IGSF21: variants seen among roughly 807,000 people sequenced by gnomAD.
IGSF21 encodes immunoglobulin superfamily member 21.
Under a neutral mutation model 46.8 loss-of-function variants are expected in IGSF21, and 28 were observed. The observed-to-expected ratio is 0.60, with a 90% CI of 0.44 to 0.82. The LOEUF (loss-of-function observed/expected upper bound fraction) is 0.82. IGSF21 is among the 40% of genes least tolerant of loss of function. IGSF21 has a pLI of 0.00. For missense variants in IGSF21, 624 were observed against 665.5 expected (o/e 0.94, Z 0.69); for synonymous variants, 284 against 273.6 (o/e 1.04, Z -0.38).
At chr1:18,371,107 G>A (rs2086219453) in intron 6 of IGSF21, among the ~76,000 whole-genome samples, 2 of 152,198 alleles carry the variant, frequency 1.3e-5, no homozygotes, top group African/African-American at 4.8e-5. Flanking sequence ...TATGTCCACA[G>A]CAGCTTTATT....
intron 1 of IGSF21, among the ~76,000 whole-genome samples, chr1:18,146,937 C>T (rs1361744454): frequency 6.6e-6 from 1 of 152,182 alleles, no homozygotes; most frequent in Non-Finnish European, 1.5e-5. Context: ...TTGTAGCAAA[C>T]ACCAAAAGTA....
At chr1:18,342,064 TTTTTG>T (rs767800334) in intron 4 of IGSF21, among the ~76,000 whole-genome samples, 60 of 125,064 alleles carry the variant, frequency 4.8e-4, no homozygotes, top group South Asian at 3.3e-3. Context: ...GTTTTTTTTT[TTTTTG>T]TTTGTTTGTT....
At chr1:18,153,622 T>C (rs896299400) in intron 1 of IGSF21, among the ~76,000 whole-genome samples, 1 of 152,092 alleles carries the variant, frequency 6.6e-6, no homozygotes, top group Non-Finnish European at 1.5e-5. Context: ...CTCACCATCC[T>C]ATGGACTTGG....
chr1:18,318,467 T>TGC (rs1410339956), intron 3 of IGSF21, among the ~76,000 whole-genome samples: 56 of 112,344 alleles, frequency 5.0e-4, no homozygotes, highest in Admixed American at 1.2e-3. Context: ...CGTGCGTGCG[T>TGC]GTGTGTGTGT....
At chr1:18,237,557 C>T (rs1168065898) in intron 2 of IGSF21, among the ~76,000 whole-genome samples, 2 of 152,220 alleles carry the variant, frequency 1.3e-5, no homozygotes, top group East Asian at 1.9e-4. Flanking sequence ...ACTTCATCTT[C>T]TCTTTTCCGC....
chr1:18,356,888 G>A lies in IGSF21; in HGVS notation c.425-5227G>A, dbSNP rs147222594. The stretch of plus-strand genomic sequence containing the variant: ...GGAGGAGATGGAGTTGAAGTTGGTC[G>A]TGAGATGGAGACAGAAATGAGGAGA... On this transcript the variant is annotated intron_variant, in intron 4 of 9. Coordinates refer to ENST00000251296, the MANE Select transcript of IGSF21 (RefSeq NM_032880.5). 1.3e-4 allele frequency among the ~76,000 whole-genome samples: 20 copies of A among 152,006 alleles called. No homozygotes were observed. The South Asian group carries it at 1.9e-3, about 14-fold the overall frequency.
At chr1:18,208,336 A>G (rs559596296) in intron 1 of IGSF21, among the ~76,000 whole-genome samples, 1 of 141,236 alleles carries the variant, frequency 7.1e-6, no homozygotes, top group East Asian at 2.1e-4. Flanking sequence ...TGCTGTCCAA[A>G]GGTTTCGGGT....
chr1:18,347,610 T>G (rs558016472), intron 4 of IGSF21, among the ~76,000 whole-genome samples: 15 of 152,316 alleles, frequency 9.8e-5, no homozygotes, highest in African/African-American at 3.4e-4. Context: ...AATCTAAATA[T>G]TCTGATTGCC....
At chr1:18,261,772 G>C (rs1307789794) in intron 2 of IGSF21, among the ~76,000 whole-genome samples, 4 of 152,202 alleles carry the variant, frequency 2.6e-5, no homozygotes, top group Non-Finnish European at 4.4e-5. Context: ...GAAGTGGAGG[G>C]ACTTGGGTCT....
chr1:18,216,157 C>T (rs1295427283), intron 1 of IGSF21, among the ~76,000 whole-genome samples: 1 of 152,140 alleles, frequency 6.6e-6, no homozygotes, highest in Non-Finnish European at 1.5e-5. Flanking sequence ...GTGACCATCA[C>T]ATTGAACCTG....
chr1:18,153,831 C>G (rs1216746610), intron 1 of IGSF21, among the ~76,000 whole-genome samples: 1 of 152,178 alleles, frequency 6.6e-6, no homozygotes, highest in Non-Finnish European at 1.5e-5. Flanking sequence ...GCGAATCCAT[C>G]CCCACTGAAC....
chr1:18,355,618 A>G (rs909348007), intron 4 of IGSF21, among the ~76,000 whole-genome samples: 4 of 152,090 alleles, frequency 2.6e-5, no homozygotes, highest in Non-Finnish European at 5.9e-5. Context: ...ACAGTAAAAA[A>G]AAAAACTAGA....
chr1:18,231,471 G>C (rs899521084), intron 2 of IGSF21, among the ~76,000 whole-genome samples: 4 of 152,194 alleles, frequency 2.6e-5, no homozygotes, highest in Non-Finnish European at 4.4e-5. Flanking sequence ...TGGCCAAGTG[G>C]GGAGGAGCTC....
intron 1 of IGSF21, among the ~76,000 whole-genome samples, chr1:18,190,422 G>T (rs568771199): frequency 6.6e-6 from 1 of 152,340 alleles, no homozygotes; most frequent in Admixed American, 6.5e-5. Context: ...AGGCAAGCAT[G>T]CCAGTGTGCG....
At chr1:18,141,899 A>G (rs1243263836) in intron 1 of IGSF21, among the ~76,000 whole-genome samples, 1 of 151,860 alleles carries the variant, frequency 6.6e-6, no homozygotes, top group Admixed American at 6.6e-5. Context: ...CAAGACCCCC[A>G]TTTCTACAAA....
At chr1:18,258,631 T>C (rs2084913601) in intron 2 of IGSF21, among the ~76,000 whole-genome samples, 2 of 152,224 alleles carry the variant, frequency 1.3e-5, no homozygotes, top group South Asian at 2.1e-4. Flanking sequence ...GGAGGCATGA[T>C]ACAGTGAAGA....
At chr1:18,168,193 ACT>A (rs2086698443) in intron 1 of IGSF21, among the ~76,000 whole-genome samples, 1 of 152,020 alleles carries the variant, frequency 6.6e-6, no homozygotes, top group Admixed American at 6.5e-5. Flanking sequence ...CCTCCTCGTC[ACT>A]CTGCTCACCA....
At chr1:18,143,882 G>C (rs2086440975) in intron 1 of IGSF21, among the ~76,000 whole-genome samples, 1 of 152,136 alleles carries the variant, frequency 6.6e-6, no homozygotes, top group South Asian at 2.1e-4. Flanking sequence ...TCTCCCCAAG[G>C]CAGGAGCTGT....
chr1:18,320,412 C>A (rs951141299), intron 3 of IGSF21, among the ~76,000 whole-genome samples: 25 of 152,152 alleles, frequency 1.6e-4, no homozygotes, highest in Admixed American at 6.5e-5. Context: ...GGTGGGCTGA[C>A]CTGTTTAAGA....
Sources: allele counts gnomAD v4.1 joint callset (sites outside exome capture counted in the v4.1 genomes callset), GRCh38; gene constraint gnomAD v4.1.1; transcripts MANE v1.5; gene names NCBI Gene and HGNC (gene_info 2026-07-23, HGNC 2026-07-21).